The following SCFD2 variants were observed in gnomAD, a reference collection of about 807,000 sequenced individuals.
SCFD2 encodes the protein sec1 family domain containing 2, also known as sec1 family domain-containing protein 2.
A neutral mutation model predicts 58.9 loss-of-function variants in SCFD2; 54 were observed. The ratio of observed to expected loss-of-function variants is 0.92; its 90% confidence interval spans 0.74 to 1.15. SCFD2 has a LOEUF of 1.15. Among genes scored for constraint, SCFD2 ranks in the 50% most tolerant of loss-of-function variants. The probability of loss-of-function intolerance (pLI) is 0.00; values close to 1 mark genes in which losing one functional copy is unlikely to be tolerated. For synonymous variants in SCFD2, 321 were observed against 335.9 expected, an observed-to-expected ratio of 0.96 and a Z score of 0.49; for missense variants, 805 against 836.6, an observed-to-expected ratio of 0.96 and a Z score of 0.47.
At chr4:53,229,143 A>T (rs1363752162) in intron 4 of SCFD2, among the ~76,000 whole-genome samples, 1 of 152,204 alleles carries the variant, frequency 6.6e-6, no homozygotes. Context: ...ATGGAAGAAC[A>T]TCCCATGCTC....
intron 5 of SCFD2, among the ~76,000 whole-genome samples, chr4:52,941,976 G>A (rs183105202): frequency 5.0e-4 from 76 of 152,306 alleles, no homozygotes; most frequent in Non-Finnish European, 8.7e-4. Flanking sequence ...AGCTCAAAAT[G>A]TTTCAGATTT....
At chr4:53,126,685 G>A (rs147067739) in intron 5 of SCFD2, among the ~76,000 whole-genome samples, 1 of 152,094 alleles carries the variant, frequency 6.6e-6, no homozygotes, top group African/African-American at 2.4e-5. Flanking sequence ...TACCTTGCAG[G>A]TCCCTCACAC....
intron 7 of SCFD2, among the ~76,000 whole-genome samples, chr4:52,899,246 G>T (rs528912643): frequency 6.6e-6 from 1 of 152,240 alleles, no homozygotes; most frequent in South Asian, 2.1e-4. Context: ...TCCTAGCCTC[G>T]ATAGTCTTTA....
chr4:53,216,630 T>G (rs1249997486), intron 4 of SCFD2, among the ~76,000 whole-genome samples: 1 of 152,240 alleles, frequency 6.6e-6, no homozygotes, highest in Admixed American at 6.5e-5. Flanking sequence ...GAAGGGTTTT[T>G]TGTGTCGGTA....
chr4:53,320,716 A>T (rs1378225885), intron 2 of SCFD2, among the ~76,000 whole-genome samples: 1 of 152,272 alleles, frequency 6.6e-6, no homozygotes, highest in Non-Finnish European at 1.5e-5. Flanking sequence ...TCAGCAAAAG[A>T]TAAGTGAATA....
At chr4:52,907,708 ATGTGTG>A (rs10557430) in intron 6 of SCFD2, 117 bp from the exon 7 acceptor site, 1,829 of 683,360 alleles carry the variant, frequency 2.7e-3, no homozygotes, top group South Asian at 8.4e-3. Context: ...CAATGCCTAT[ATGTGTG>A]TGTGTGTGTG....
intron 5 of SCFD2, among the ~76,000 whole-genome samples, chr4:52,989,674 T>C (rs542733433): frequency 5.3e-5 from 8 of 152,252 alleles, no homozygotes; most frequent in Admixed American, 1.3e-4. Flanking sequence ...CACTGTGGCA[T>C]TGGATTCTAT....
At chr4:53,354,370 T>TGA (rs1560463484) in intron 1 of SCFD2, among the ~76,000 whole-genome samples, 1 of 151,394 alleles carries the variant, frequency 6.6e-6, no homozygotes, top group African/African-American at 2.5e-5. Context: ...CCACTCCAAG[T>TGA]GTGGGGCGCG....
At chr4:53,190,318 C>G (rs1436007824) in intron 4 of SCFD2, among the ~76,000 whole-genome samples, 1 of 152,176 alleles carries the variant, frequency 6.6e-6, no homozygotes, top group African/African-American at 2.4e-5. Flanking sequence ...CAAGGCCCTA[C>G]AGGCTCTGTT....
intron 4 of SCFD2, among the ~76,000 whole-genome samples, chr4:53,222,758 A>G (rs1190786284): frequency 6.6e-6 from 1 of 152,228 alleles, no homozygotes; most frequent in African/African-American, 2.4e-5. Flanking sequence ...TGCAAATAAT[A>G]TGCCAGAAGA....
At chr4:52,950,675 C>T (rs564655245) in intron 5 of SCFD2, 2 of 152,336 alleles carry the variant, frequency 1.3e-5, no homozygotes, top group Admixed American at 1.3e-4. Context: ...CCTGGGCTCC[C>T]TTCCTCAATG....
chr4:53,339,876 A>G (rs1733808789), intron 2 of SCFD2, among the ~76,000 whole-genome samples: 1 of 152,246 alleles, frequency 6.6e-6, no homozygotes. Flanking sequence ...AATGAAAAAC[A>G]GAGGCTACAA....
In SCFD2 at chr4:53,067,110, A is replaced by C. The variant is rs564780758; in HGVS notation, c.1561+78223T>G. On this transcript the variant is annotated intron_variant, in intron 5 of 8. Transcript: ENST00000401642. ...GATAACTAGCATTCTACTTCAGGTC[A>C]AACAAAGTAGAATGCTACCTCCTCC... Among the ~76,000 whole-genome samples, 4 of 152,158 alleles carry C rather than the reference A, an allele frequency of 2.6e-5. No homozygotes were observed. The South Asian group carries it at 6.2e-4, about 24-fold the overall frequency.
chr4:53,200,083 G>A (rs1728183462), intron 4 of SCFD2, among the ~76,000 whole-genome samples: 1 of 151,924 alleles, frequency 6.6e-6, no homozygotes, highest in Non-Finnish European at 1.5e-5. Flanking sequence ...TGTCCCAAAG[G>A]CCTCATCTCT....
At chr4:53,096,701 A>C (rs1329569199) in intron 5 of SCFD2, among the ~76,000 whole-genome samples, 1 of 152,196 alleles carries the variant, frequency 6.6e-6, no homozygotes, top group Admixed American at 6.5e-5. Flanking sequence ...TTTGCTGTGC[A>C]GAAGCTCTTT....
chr4:53,095,951 T>C (rs181291958), intron 5 of SCFD2, among the ~76,000 whole-genome samples: 7 of 152,134 alleles, frequency 4.6e-5, no homozygotes, highest in Non-Finnish European at 1.0e-4. Context: ...TTCCCACCTA[T>C]TAGTGAGAAC....
chr4:52,928,364 C>T (rs937405419), intron 5 of SCFD2, among the ~76,000 whole-genome samples: 1 of 152,062 alleles, frequency 6.6e-6, no homozygotes, highest in Non-Finnish European at 1.5e-5. Context: ...TGTCAGACAT[C>T]AGGTTTTATA....
chr4:53,329,783 G>C lies in SCFD2; in HGVS notation c.1008-16020C>G, dbSNP rs1404025431. Among the ~76,000 whole-genome samples, 3 of 151,498 alleles carry C rather than the reference G, an allele frequency of 2.0e-5. No homozygotes were observed. In the East Asian group the frequency reaches 5.8e-4, roughly 29 times the overall value. ...GAGCTGAGAGAAGAAGGCTTCAGACGATCAAATTACTCTGAGCTACGGGAG... is the reference window on the plus strand; with the variant it reads ...GAGCTGAGAGAAGAAGGCTTCAGACCATCAAATTACTCTGAGCTACGGGAG... On this transcript the variant is annotated intron_variant, in intron 2 of 8. Transcript: ENST00000401642.
intron 4 of SCFD2, among the ~76,000 whole-genome samples, chr4:53,215,729 T>C (rs993586669): frequency 6.6e-6 from 1 of 152,150 alleles, no homozygotes; most frequent in African/African-American, 2.4e-5. Flanking sequence ...GTGCCAGTTT[T>C]CAAAGGGAAT....
Sources: allele counts gnomAD v4.1 joint callset (sites outside exome capture counted in the v4.1 genomes callset), GRCh38; gene constraint gnomAD v4.1.1; transcripts MANE v1.5; gene names NCBI Gene and HGNC (gene_info 2026-07-23, HGNC 2026-07-21).